The following ARHGEF37 variants were observed in gnomAD, a reference collection of about 807,000 sequenced individuals.
ARHGEF37 encodes Rho guanine nucleotide exchange factor 37.
ARHGEF37 carries 55 observed loss-of-function variants against 71.1 expected under a neutral mutation model. The ratio of observed to expected loss-of-function variants is 0.77; its 90% confidence interval spans 0.62 to 0.97. The LOEUF (loss-of-function observed/expected upper bound fraction) is 0.97. Ranked by LOEUF, ARHGEF37 falls within the 50% of genes least tolerant of loss-of-function variation. The probability of loss-of-function intolerance (pLI) is 0.00; values close to 1 mark genes in which losing one functional copy is unlikely to be tolerated. For synonymous variants in ARHGEF37, 327 were observed against 350.6 expected, an observed-to-expected ratio of 0.93 and a Z score of 0.75; for missense variants, 765 against 836.8, an observed-to-expected ratio of 0.91 and a Z score of 1.06.
At chr5:149,587,740 T>C (rs961389251) in intron 1 of ARHGEF37, among the ~76,000 whole-genome samples, 1 of 152,184 alleles carries the variant, frequency 6.6e-6, no homozygotes. Flanking sequence ...TATAATTTTG[T>C]TGATTCCAGC....
rs557505773 is a variant in ARHGEF37, at chr5:149,632,040, G to A, written c.1877G>A (p.Gly626Asp). 1 of 1,614,246 alleles carries A rather than the reference G, an allele frequency of 6.2e-7. No individual in the cohort carries two copies. The highest frequency in any genetic ancestry group is 1.1e-5 in the South Asian group (1 of 91,078). ...RSSHEVSLQA[G>D]QPVTILEAQD... ...AGCCATGAAGTGAGCCTGCAGGCAGGCCAGCCTGTGACCATCCTGGAGGCC... is the reference window on the plus strand; with the variant it reads ...AGCCATGAAGTGAGCCTGCAGGCAGACCAGCCTGTGACCATCCTGGAGGCC... Residue 626 changes from glycine to aspartate, a missense_variant, in exon 13 of 13, where the codon GGC becomes GAC. Physicochemically the swap from Gly to Asp is moderately conservative, Grantham distance 94. Coordinates refer to ENST00000333677, the MANE Select transcript of ARHGEF37 (RefSeq NM_001001669.3).
rs778453136 is a variant in ARHGEF37, at chr5:149,570,576, CA to C, written c.-12+18468del. On this transcript the variant is annotated intron_variant, in intron 1 of 2. Coordinates refer to the ARHGEF37 transcript ENST00000505810. ...GGACAACAAGTGCGAAACTCCGCCT[CA>C]AAAAAAAAAAAAAAGTTTGGCCAGG... 5.2e-3 allele frequency among the ~76,000 whole-genome samples: 460 copies of C among 87,950 alleles called. 3 individuals are homozygous for C. Among genetic ancestry groups the C allele is most frequent in the Middle Eastern group, 0.011 (1 of 90 alleles). 57.7% of individuals were successfully genotyped at this position (87,950 alleles called of 152,430 possible).
At chr5:149,567,310 C>T (rs1347800003) in intron 1 of ARHGEF37, among the ~76,000 whole-genome samples, 2 of 152,204 alleles carry the variant, frequency 1.3e-5, no homozygotes, top group Non-Finnish European at 2.9e-5. Context: ...TCAAAAATTA[C>T]ATTATGCCAA....
Position 149,633,405 on chromosome 5 carries a change from A to T in ARHGEF37, c.*1214A>T, listed in dbSNP as rs1379696404. ...AGGATCTACCTTGGGGGGCTTCTCA[A>T]TACTGCATTCTATGTAGCCAGCCTC... On this transcript the variant is annotated 3_prime_UTR_variant, in exon 13 of 13. Transcript: ENST00000333677. The T allele has an allele frequency of 1.3e-5, 2 of 152,240 alleles. No individual in the cohort carries two copies. Among genetic ancestry groups the T allele is most frequent in the African/African-American group, 4.8e-5 (2 of 41,456 alleles). The allele number at this position is 152,240 out of a possible 1,614,324, so 9.4% of individuals were successfully genotyped here. A position where few individuals can be genotyped will look rare whatever the true frequency, so the allele number is the denominator to read the frequency against.
rs200008755 is a variant in ARHGEF37 at position 149,616,701 on chromosome 5, G to C, written c.593G>C (p.Arg198Thr). The C allele has an allele frequency of 6.2e-7, 1 of 1,613,808 alleles. No homozygotes were observed. Among genetic ancestry groups the C allele is most frequent in the Admixed American group, 1.7e-5 (1 of 60,020 alleles). The change falls in exon 5 of 13, where the codon AGG becomes ACG. Residue 198 changes from arginine to threonine, a missense_variant. Physicochemically the swap from Arg to Thr is moderately conservative, Grantham distance 71 (BLOSUM62 -1). Transcript: ENST00000333677. ...GCCAGTGCCTATCCTGTCCTTCAGA[G>C]GGCTGTCTCTGCCCTCCAGGACGTG... ...PDASAYPVLQ[R>T]AVSALQDVNT...
chr5:149,565,962 G>T (rs189467569), intron 1 of ARHGEF37, among the ~76,000 whole-genome samples: 2 of 146,280 alleles, frequency 1.4e-5, no homozygotes, highest in Admixed American at 7.2e-5. Context: ...CAATTCACCT[G>T]TCTCAGCCTG....
At chr5:149,567,906 G>A (rs893663427) in intron 1 of ARHGEF37, among the ~76,000 whole-genome samples, 2 of 152,158 alleles carry the variant, frequency 1.3e-5, no homozygotes, top group Non-Finnish European at 2.9e-5. Flanking sequence ...TACCAAATGT[G>A]TTTATCTCTA....
intron 1 of ARHGEF37, among the ~76,000 whole-genome samples, chr5:149,569,152 A>G (rs1762933066): frequency 6.6e-6 from 1 of 152,024 alleles, no homozygotes; most frequent in African/African-American, 2.4e-5. Flanking sequence ...GTAAGTGGAT[A>G]TATAGGTTTT....
chr5:149,580,302 GC>G (rs139035564), upstream of ARHGEF37, among the ~76,000 whole-genome samples: 2,391 of 151,186 alleles, frequency 0.016, 239 homozygotes, highest in East Asian at 0.3. Flanking sequence ...CTCGTGATCT[GC>G]CCCCCCCTCA....
intron 5 of ARHGEF37, 120 bp downstream of exon 5, chr5:149,616,886 G>C: frequency 2.8e-6 from 3 of 1,063,968 alleles, no homozygotes; most frequent in Middle Eastern, 4.5e-4. Context: ...TATAAATCCA[G>C]AGGTAATGCA....
chr5:149,566,390 G>A (rs1440639608), intron 1 of ARHGEF37, among the ~76,000 whole-genome samples: 3 of 151,838 alleles, frequency 2.0e-5, no homozygotes, highest in Non-Finnish European at 4.4e-5. Flanking sequence ...CCAGCTACTC[G>A]GGAGGCTGAG....
intron 1 of ARHGEF37, among the ~76,000 whole-genome samples, chr5:149,591,693 T>A (rs1439975519): frequency 6.6e-6 from 1 of 152,242 alleles, no homozygotes; most frequent in Non-Finnish European, 1.5e-5. Context: ...ACACATTCAG[T>A]AGAAACCGTA....
At chr5:149,567,664 A>T (rs1417660476) in intron 1 of ARHGEF37, among the ~76,000 whole-genome samples, 4 of 152,150 alleles carry the variant, frequency 2.6e-5, no homozygotes, top group Non-Finnish European at 1.5e-5. Flanking sequence ...TTTCGTGGTT[A>T]AATTATCCAG....
chr5:149,632,186 T>C lies in ARHGEF37; in HGVS notation c.2023T>C (p.Ser675Pro). Residue 675 changes from serine to proline, a missense_variant, in exon 13 of 13, where the codon TCT becomes CCT. Physicochemically the swap from Ser to Pro is moderately conservative, Grantham distance 74 (BLOSUM62 -1). Around this residue, in one of 5 missense-constraint regions of ARHGEF37, gnomAD observed 390 missense variants for 407.4 expected, o/e 0.96. Coordinates refer to ENST00000333677, the MANE Select transcript of ARHGEF37 (RefSeq NM_001001669.3). ...AGTTCTGTGGGGCTGGAGTCTGCCC[T>C]CTTAGGGTACCCTCTTTGGAGCCTA... ...SPVLWGWSLP[S>P] 1 of 1,613,976 alleles carries C rather than the reference T, an allele frequency of 6.2e-7. No homozygotes were observed. Among genetic ancestry groups the C allele is most frequent in the Non-Finnish European group, 8.5e-7 (1 of 1,179,916 alleles).
At chr5:149,577,066 C>T (rs10476912), upstream of ARHGEF37, among the ~76,000 whole-genome samples, 37,227 of 152,058 alleles carry the variant, frequency 0.24, 5,210 homozygotes, top group African/African-American at 0.37. Flanking sequence ...TTGCAGAAAG[C>T]AACCACACGA....
At chr5:149,563,405 T>C (rs1669696140) in intron 1 of ARHGEF37, among the ~76,000 whole-genome samples, 1 of 152,218 alleles carries the variant, frequency 6.6e-6, no homozygotes, top group Admixed American at 6.5e-5. Flanking sequence ...ACTTACCTTC[T>C]AGCCCCCTCT....
At chr5:149,590,593 C>CTTT (rs34084231) in intron 1 of ARHGEF37, among the ~76,000 whole-genome samples, 7 of 136,420 alleles carry the variant, frequency 5.1e-5, no homozygotes, top group Admixed American at 1.4e-4. Flanking sequence ...CTATTTTATT[C>CTTT]TTTTTTTTTT....
intron 1 of ARHGEF37, among the ~76,000 whole-genome samples, chr5:149,557,876 T>C (rs1287444987): frequency 2.0e-5 from 3 of 151,266 alleles, no homozygotes; most frequent in Non-Finnish European, 3.0e-5. Context: ...TTTTTTTTTT[T>C]TTTTTTTGAG....
At chr5:149,630,884 AAAAC>A (rs1390118469) in intron 12 of ARHGEF37, among the ~76,000 whole-genome samples, 1 of 152,190 alleles carries the variant, frequency 6.6e-6, no homozygotes, top group African/African-American at 2.4e-5. Flanking sequence ...CAGTAATGGT[AAAAC>A]AAACAAACAA....
Sources: allele counts gnomAD v4.1 joint callset (sites outside exome capture counted in the v4.1 genomes callset), GRCh38; gene constraint gnomAD v4.1.1; regional missense constraint gnomAD v4.1.1; transcripts MANE v1.5; gene names NCBI Gene and HGNC (gene_info 2026-07-23, HGNC 2026-07-21).